TNFRSF10D: variants seen among roughly 807,000 people sequenced by gnomAD.
TNFRSF10D encodes TNF receptor superfamily member 10d.
In TNFRSF10D, 28 loss-of-function variants were observed where a neutral mutation model predicts 42.1. The observed-to-expected ratio is 0.66, with a 90% CI of 0.49 to 0.91. The LOEUF (loss-of-function observed/expected upper bound fraction) is 0.91, where lower values mean the gene tolerates loss of function less well. TNFRSF10D is among the 40% of genes least tolerant of loss of function. The pLI, the probability that TNFRSF10D is intolerant of heterozygous loss-of-function variation, is 0.00. For missense variants in TNFRSF10D, 503 were observed against 486.1 expected (o/e 1.03, Z -0.33); for synonymous variants, 186 against 189.4 (o/e 0.98, Z 0.15).
chr8:23,145,000 G>A (rs1381071449), intron 6 of TNFRSF10D, 58 bp downstream of exon 6: 1 of 1,612,870 alleles, frequency 6.2e-7, no homozygotes, highest in East Asian at 2.2e-5. Context: ...GCTCGGCAGT[G>A]GATGGGAAGC....
At chr8:23,144,910 C>T (rs1456441961) in intron 6 of TNFRSF10D, 148 bp downstream of exon 6, 6 of 1,237,070 alleles carry the variant, frequency 4.9e-6, no homozygotes, top group Non-Finnish European at 7.0e-6. Context: ...GGCCGTGTGT[C>T]CCCCACAGTC....
chr8:23,146,349 T>C (rs1800120040), intron 4 of TNFRSF10D, among the ~76,000 whole-genome samples: 1 of 152,122 alleles, frequency 6.6e-6, no homozygotes, highest in Non-Finnish European at 1.5e-5. Context: ...CAGCAAACAC[T>C]GGAGGGCCAG....
intron 1 of TNFRSF10D, among the ~76,000 whole-genome samples, chr8:23,160,628 G>A (rs77826620): frequency 0.018 from 2,734 of 152,286 alleles, 80 homozygotes; most frequent in African/African-American, 0.062. Flanking sequence ...GCTGGGAGCA[G>A]GATACCAGCT....
At position 23,145,107 on chromosome 8, in the gene TNFRSF10D, T is replaced by C. The variant is rs751971192; in HGVS notation, c.737-18A>G. 1 of 1,613,778 alleles carries C rather than the reference T, an allele frequency of 6.2e-7. No individual in the cohort carries two copies. The highest frequency in any genetic ancestry group is 8.5e-7 in the Non-Finnish European group (1 of 1,179,948). On this transcript the variant is annotated intron_variant, in intron 5 of 8. Transcript: ENST00000312584. ...TCCACCACCTGGAAAAGAAGCAGTC[T>C]CCTGAGCAGGCGGGGAGGGGCCCAT...
intron 7 of TNFRSF10D, among the ~76,000 whole-genome samples, chr8:23,140,950 C>T (rs1431500021): frequency 1.3e-5 from 2 of 152,126 alleles, no homozygotes; most frequent in Non-Finnish European, 2.9e-5. Context: ...GCTGATGCTT[C>T]GGATATTTGG....
At chr8:23,140,622 T>C (rs1814447463) in intron 7 of TNFRSF10D, among the ~76,000 whole-genome samples, 1 of 152,202 alleles carries the variant, frequency 6.6e-6, no homozygotes, top group Non-Finnish European at 1.5e-5. Context: ...CCAATGTCAT[T>C]TTCCACAGAA....
At chr8:23,157,052 T>C (rs1384500287) in intron 1 of TNFRSF10D, among the ~76,000 whole-genome samples, 2 of 152,252 alleles carry the variant, frequency 1.3e-5, no homozygotes, top group Non-Finnish European at 2.9e-5. Context: ...TTAGTAATTA[T>C]GATTATTCAT....
chr8:23,158,606 C>T (rs1342180315), intron 1 of TNFRSF10D, among the ~76,000 whole-genome samples: 4 of 152,190 alleles, frequency 2.6e-5, no homozygotes, highest in Non-Finnish European at 5.9e-5. Flanking sequence ...ACCATTTAAA[C>T]TACGGTTGTC....
In TNFRSF10D at chr8:23,155,076, A is replaced by C. The variant is rs528786784; in HGVS notation, c.151-97T>G. 6.2e-6 allele frequency: 6 copies of C among 966,286 alleles called. 1 individual carries two copies. In the South Asian group the frequency reaches 1.1e-4, roughly 17 times the overall value. 59.9% of individuals were successfully genotyped at this position (966,286 alleles called of 1,614,324 possible). A position where few individuals can be genotyped will look rare whatever the true frequency, so the allele number is the denominator to read the frequency against. On this transcript the variant is annotated intron_variant, in intron 1 of 8. Coordinates refer to ENST00000312584, the MANE Select transcript of TNFRSF10D (RefSeq NM_003840.5). ...CCCTTCACCCCAAGTGACAAAACCC[A>C]TGAGAGCCTGGACTTTTTTCCCATT...
chr8:23,149,026 TA>T (rs761111847), intron 2 of TNFRSF10D, among the ~76,000 whole-genome samples: 61 of 151,088 alleles, frequency 4.0e-4, no homozygotes, highest in Non-Finnish European at 6.9e-4. Flanking sequence ...CCATCTCTAC[TA>T]AAAATACAAA....
In TNFRSF10D at chr8:23,163,766, G is replaced by A; in HGVS notation, c.150+20C>T. 6.2e-7 allele frequency: 1 copy of A among 1,606,068 alleles called. No homozygotes were observed. The highest frequency in any genetic ancestry group is 1.3e-5 in the African/African-American group (1 of 74,712). ...GCCAGGTGCGCTCTTCCCCAGCCAG[G>A]GACCGCGGCGGAGACTCACCGGCAG... On this transcript the variant is annotated intron_variant, in intron 1 of 8. Coordinates refer to ENST00000312584, the MANE Select transcript of TNFRSF10D (RefSeq NM_003840.5).
chr8:23,163,389 C>G (rs1403483097), intron 1 of TNFRSF10D, among the ~76,000 whole-genome samples: 1 of 152,098 alleles, frequency 6.6e-6, no homozygotes, highest in South Asian at 2.1e-4. Context: ...AGGCGTGAGC[C>G]ACCGCGACCG....
Position 23,147,036 on chromosome 8 carries a change from T to C in TNFRSF10D, c.407A>G (p.Asp136Gly), listed in dbSNP as rs775981765. ...TCCTTTTTCACACTGACACACGGTGTCTCTGGTCGTGGTACAGGAACTTTT... is the reference window on the plus strand; with the variant it reads ...TCCTTTTTCACACTGACACACGGTGCCTCTGGTCGTGGTACAGGAACTTTT... ...TNKSSCTTTR[D>G]TVCQCEKGSF... The change falls in exon 4 of 9, where the codon GAC becomes GGC. Residue 136 changes from aspartate (D) to glycine (G), a missense_variant. Asp to Gly is a moderately conservative substitution (Grantham distance 94). Coordinates refer to ENST00000312584, the MANE Select transcript of TNFRSF10D (RefSeq NM_003840.5). The C allele has an allele frequency of 1.9e-6, 3 of 1,613,842 alleles. No homozygotes were observed. The highest frequency in any genetic ancestry group is 2.2e-5 in the South Asian group (2 of 91,062).
At chr8:23,149,057 GC>G (rs1352401610) in intron 2 of TNFRSF10D, among the ~76,000 whole-genome samples, 1 of 150,920 alleles carries the variant, frequency 6.6e-6, no homozygotes, top group African/African-American at 2.4e-5. Context: ...GGGCGTGGTG[GC>G]AGGCACCTGT....
intron 7 of TNFRSF10D, among the ~76,000 whole-genome samples, chr8:23,140,583 A>C (rs991479424): frequency 1.3e-5 from 2 of 152,234 alleles, no homozygotes; most frequent in African/African-American, 4.8e-5. Flanking sequence ...AAATCAATCT[A>C]CAGATTTAAT....
intron 4 of TNFRSF10D, among the ~76,000 whole-genome samples, chr8:23,146,373 A>G (rs1267051250): frequency 6.6e-6 from 1 of 152,012 alleles, no homozygotes; most frequent in East Asian, 1.9e-4. Context: ...AGAGCAAGTT[A>G]CTCTTTGCCC....
chr8:23,146,238 C>T (rs1206648429), intron 4 of TNFRSF10D, among the ~76,000 whole-genome samples: 3 of 152,200 alleles, frequency 2.0e-5, no homozygotes, highest in African/African-American at 7.2e-5. Context: ...AGGGGAAGAT[C>T]ACAAGCCCCT....
chr8:23,146,310 C>G (rs11998514), intron 4 of TNFRSF10D, among the ~76,000 whole-genome samples: 1 of 152,330 alleles, frequency 6.6e-6, no homozygotes, highest in East Asian at 1.9e-4. Context: ...CCTCGCCCCA[C>G]CCTGTCTGCC....
In TNFRSF10D at chr8:23,149,384, C is replaced by A. The variant is rs1474829079; in HGVS notation, c.257-833G>T. 1.3e-5 allele frequency among the ~76,000 whole-genome samples: 2 copies of A among 151,256 alleles called. 1 individual carries two copies. Among genetic ancestry groups the A allele is most frequent in the South Asian group, 4.2e-4 (2 of 4,764 alleles). ...TCCTGAGTAGCTGGGATTACAGGCA[C>A]CCACCACCACGCCCAGCTAATTTTT... On this transcript the variant is annotated intron_variant, in intron 2 of 8. Transcript: ENST00000312584.
Sources: allele counts gnomAD v4.1 joint callset (sites outside exome capture counted in the v4.1 genomes callset), GRCh38; gene constraint gnomAD v4.1.1; transcripts MANE v1.5; gene names NCBI Gene and HGNC (gene_info 2026-07-23, HGNC 2026-07-21).